The following RNF17 variants were observed in gnomAD, a reference collection of about 807,000 sequenced individuals.
RNF17 encodes the protein spermatogenesis associated 23.
Under a neutral mutation model 200.5 loss-of-function variants are expected in RNF17, and 31 were observed. The ratio of observed to expected loss-of-function variants is 0.15; its 90% confidence interval spans 0.12 to 0.21. The LOEUF (loss-of-function observed/expected upper bound fraction) is 0.21, where lower values mean the gene tolerates loss of function less well. RNF17 is among the 10% of genes least tolerant of loss of function. The probability of loss-of-function intolerance (pLI) is 1.00; values close to 1 mark genes in which losing one functional copy is unlikely to be tolerated. For synonymous variants in RNF17, 606 were observed against 637.8 expected, an observed-to-expected ratio of 0.95 and a Z score of 0.75; for missense variants, 1,628 against 1,905.1, an observed-to-expected ratio of 0.85 and a Z score of 2.71.
At chr13:24,776,507 A>G (rs1593223790) in intron 3 of RNF17, among the ~76,000 whole-genome samples, 1 of 152,234 alleles carries the variant, frequency 6.6e-6, no homozygotes, top group Non-Finnish European at 1.5e-5. Flanking sequence ...ATTGAATACC[A>G]GTACTGCTCC....
intron 15 of RNF17, among the ~76,000 whole-genome samples, chr13:24,816,544 A>G (rs1248345710): frequency 6.6e-6 from 1 of 152,112 alleles, no homozygotes; most frequent in Non-Finnish European, 1.5e-5. Context: ...CCAGTTCACA[A>G]CCCCTGCTGG....
intron 3 of RNF17, among the ~76,000 whole-genome samples, chr13:24,776,148 T>C (rs1363908029): frequency 1.3e-5 from 2 of 152,228 alleles, no homozygotes; most frequent in African/African-American, 4.8e-5. Flanking sequence ...GTTCCTTCTA[T>C]TACATTCATT....
At chr13:24,804,531 C>T (rs190268992) in intron 15 of RNF17, 102 bp downstream of exon 15, 19 of 821,486 alleles carry the variant, frequency 2.3e-5, no homozygotes, top group East Asian at 1.4e-4. Context: ...TCAGAGCAAA[C>T]GTACCACTGT....
chr13:24,850,803 G>T (rs1891800360), intron 23 of RNF17, among the ~76,000 whole-genome samples: 1 of 152,090 alleles, frequency 6.6e-6, no homozygotes, highest in Admixed American at 6.6e-5. Context: ...AATATATTTT[G>T]ATTCTCTAAT....
chr13:24,836,495 T>G (rs1467003096), intron 18 of RNF17, among the ~76,000 whole-genome samples: 1 of 152,170 alleles, frequency 6.6e-6, no homozygotes, highest in Non-Finnish European at 1.5e-5. Context: ...CCTATCAGAT[T>G]ACCAGCAGAT....
upstream of RNF17, among the ~76,000 whole-genome samples, chr13:24,761,021 T>A (rs1844670492): frequency 1.3e-5 from 2 of 152,172 alleles, no homozygotes; most frequent in African/African-American, 4.8e-5. Flanking sequence ...ATACAGTTAG[T>A]GGGAATGTAA....
intron 15 of RNF17, among the ~76,000 whole-genome samples, chr13:24,821,473 T>C (rs1888044050): frequency 6.6e-6 from 1 of 152,218 alleles, no homozygotes; most frequent in South Asian, 2.1e-4. Flanking sequence ...CTTCTATGAC[T>C]TTCATAATGT....
the RNF17 span, chr13:24,886,390 G>C: frequency 1.6e-6 from 2 of 1,287,600 alleles, no homozygotes; most frequent in African/African-American, 3.0e-5. Context: ...CTGTGCCTGT[G>C]AGACAGGAAT....
chr13:24,825,680 A>G lies in RNF17; in HGVS notation c.2153A>G (p.Asp718Gly), dbSNP rs1323346949. The change falls in exon 16 of 36, where the codon GAT becomes GGT. Residue 718 changes from aspartate (D) to glycine (G), a missense_variant. This residue lies in a region of RNF17 where 289 missense variants were observed against 384.9 expected (regional missense o/e 0.75). Coordinates refer to ENST00000255324, the MANE Select transcript of RNF17 (RefSeq NM_031277.3). ...KTIEEFYKSE[D>G]GENLEILCPV... is the part of the protein sequence containing the mutation. ...ATCGAGGAATTCTATAAAAGTGAAG[A>G]TGGAGAAAATCTGGAAATCCTCTGT... 1 of 1,610,496 alleles carries G rather than the reference A, an allele frequency of 6.2e-7. No homozygotes were observed. The highest frequency in any genetic ancestry group is 8.5e-7 in the Non-Finnish European group (1 of 1,176,932).
rs559652600 is a variant in RNF17 at position 24,774,535 on chromosome 13, G to A, written c.226-278G>A. Among the ~76,000 whole-genome samples, 8 of 152,300 alleles carry A rather than the reference G, an allele frequency of 5.3e-5. No individual in the cohort carries two copies. The South Asian group carries it at 1.7e-3, about 32-fold the overall frequency. The stretch of plus-strand genomic sequence containing the variant: ...TAACATTTTTAAAGTAAAATTGAAA[G>A]TATTGCTAGTATTTCCTTTACAGTT... On this transcript the variant is annotated intron_variant, in intron 2 of 35. Coordinates refer to ENST00000255324, the MANE Select transcript of RNF17 (RefSeq NM_031277.3).
At chr13:24,798,336 A>G (rs1252001264) in intron 11 of RNF17, among the ~76,000 whole-genome samples, 1 of 152,200 alleles carries the variant, frequency 6.6e-6, no homozygotes. Flanking sequence ...GGGATTTACT[A>G]TATTTTAAAA....
rs3783082 is a variant in RNF17, at chr13:24,853,864, C to A, written c.3330C>A (p.Asn1110Lys). 220,673 of 1,596,836 alleles carry A rather than the reference C, an allele frequency of 0.14. 16,013 individuals are homozygous for A. Among genetic ancestry groups the A allele is most frequent in the East Asian group, 0.18 (8,139 of 44,704 alleles). The change falls in exon 25 of 36, where the codon AAC becomes AAA. Residue 1110 changes from asparagine (N) to lysine (K), a missense_variant. By Grantham distance (94) the Asn-to-Lys change is moderately conservative. Around this residue, in one of 5 missense-constraint regions of RNF17, gnomAD observed 609 missense variants for 681.9 expected, o/e 0.89. Transcript: ENST00000255324. ...TTTTTGGATGTTACAGAATTAATAA[C>A]TTAGATAACAGCCATTCATTATCTG... ...GLALRERRINNLDNSHSLSEK... is the reference protein window; with the variant it reads ...GLALRERRINKLDNSHSLSEK...
At chr13:24,885,418 A>T in the RNF17 span, 1 of 1,456,348 alleles carries the variant, frequency 6.9e-7, no homozygotes. Context: ...AGCAGCTAAA[A>T]CCTACTCTTA....
At chr13:24,769,293 G>C (rs1246993244) in intron 2 of RNF17, among the ~76,000 whole-genome samples, 3 of 151,898 alleles carry the variant, frequency 2.0e-5, no homozygotes, top group Non-Finnish European at 2.9e-5. Flanking sequence ...TGTTTATAAT[G>C]TGTTTACAAA....
chr13:24,800,765 TTAAGTATC>T lies in RNF17; in HGVS notation c.1758+233_1758+240del, dbSNP rs1277163823. 2.0e-5 allele frequency among the ~76,000 whole-genome samples: 3 copies of T among 152,210 alleles called. No individual in the cohort carries two copies. The East Asian group carries it at 5.8e-4, about 29-fold the overall frequency. On this transcript the variant is annotated intron_variant, in intron 13 of 35. Coordinates refer to ENST00000255324, the MANE Select transcript of RNF17 (RefSeq NM_031277.3). Reference sequence around the variant, plus strand: ...AAGCATATATTAACATAATGATTGGTTAAGTATCTGAGTAAAGCAGTAATTTTGGAGTC... The same window carrying T: ...AAGCATATATTAACATAATGATTGGTTGAGTAAAGCAGTAATTTTGGAGTC...
chr13:24,875,550 C>A (rs962626036), intron 33 of RNF17, among the ~76,000 whole-genome samples: 1 of 152,194 alleles, frequency 6.6e-6, no homozygotes, highest in African/African-American at 2.4e-5. Flanking sequence ...GCAAACTCTC[C>A]ACTCAATGGG....
chr13:24,783,169 G>A (rs2137573951), intron 6 of RNF17, among the ~76,000 whole-genome samples: 1 of 152,274 alleles, frequency 6.6e-6, no homozygotes, highest in Middle Eastern at 3.4e-3. Flanking sequence ...CCCACTGAAT[G>A]TTCTTGGCAC....
At chr13:24,842,340 G>A (rs1470535865) in intron 19 of RNF17, among the ~76,000 whole-genome samples, 179 bp downstream of exon 19, 3 of 152,128 alleles carry the variant, frequency 2.0e-5, no homozygotes, top group Non-Finnish European at 4.4e-5. Flanking sequence ...ATGAGGACTA[G>A]AGTGACTTTT....
chr13:24,753,322 C>T, the RNF17 span, among the ~76,000 whole-genome samples: 1 of 152,190 alleles, frequency 6.6e-6, no homozygotes, highest in Admixed American at 6.5e-5. Flanking sequence ...GTGTGGGATG[C>T]TGTTTGGCTC....
Sources: gnomAD v4.1 joint callset for allele counts (sites outside exome capture counted in the v4.1 genomes callset) on GRCh38, gnomAD v4.1.1 for gene constraint, gnomAD v4.1.1 regional missense constraint, MANE v1.5 for transcripts, NCBI Gene and HGNC (gene_info 2026-07-23, HGNC 2026-07-21) for gene names.